The following ZNF577 variants were observed in gnomAD, a reference collection of about 807,000 sequenced individuals.
The protein encoded by ZNF577 is zinc finger protein 577.
In ZNF577, 14 loss-of-function variants were observed where a neutral mutation model predicts 13.9. The ratio of observed to expected loss-of-function variants is 1.00; its 90% CI spans 0.66 to 1.57. ZNF577 has a LOEUF of 1.57. Among genes scored for constraint, ZNF577 ranks in the 40% most tolerant of loss-of-function variants. The pLI, the probability that ZNF577 is intolerant of heterozygous loss-of-function variation, is 0.00. For synonymous variants in ZNF577, 203 were observed against 202.9 expected (o/e 1.00, Z 0.00); for missense variants, 555 against 579.2 (o/e 0.96, Z 0.43).
rs911684089 is a variant in ZNF577, at chr19:51,887,418, G to T, written c.-816C>A. ...ACTAAACCAGAGTTATTTTCTGGAG[G>T]AGTATTTAAAATGATGGGGATGTTA... On this transcript the variant is annotated 5_prime_UTR_variant, in exon 1 of 6. Transcript: ENST00000638348. 1 of 152,164 alleles carries T rather than the reference G, an allele frequency of 6.6e-6. No individual in the cohort carries two copies. Among genetic ancestry groups the T allele is most frequent in the East Asian group, 1.9e-4 (1 of 5,198 alleles). 9.4% of individuals were successfully genotyped at this position (152,164 alleles called of 1,614,324 possible).
chr19:51,808,184 G>C (rs974535514), intron 10 of ZNF577, among the ~76,000 whole-genome samples: 1 of 152,186 alleles, frequency 6.6e-6, no homozygotes, highest in African/African-American at 2.4e-5. Context: ...TAAGTTGATA[G>C]GTAGCAATAC....
downstream of ZNF577, among the ~76,000 whole-genome samples, chr19:51,865,844 C>A (rs551432877): frequency 6.6e-6 from 1 of 151,920 alleles, no homozygotes; most frequent in Non-Finnish European, 1.5e-5. Context: ...TGGCTGGGTG[C>A]GGTGGCTCAC....
chr19:51,850,982 T>A (rs763339177), intron 5 of ZNF577, among the ~76,000 whole-genome samples: 1 of 152,332 alleles, frequency 6.6e-6, no homozygotes, highest in Non-Finnish European at 1.5e-5. Context: ...TTGTTTAGGA[T>A]AAGCATATAA....
At chr19:51,858,500 T>C (rs2084461971) in intron 5 of ZNF577, among the ~76,000 whole-genome samples, 1 of 152,236 alleles carries the variant, frequency 6.6e-6, no homozygotes, top group Non-Finnish European at 1.5e-5. Flanking sequence ...TCCTTAAACA[T>C]CTTTATGTCT....
chr19:51,861,076 CT>C, intron 5 of ZNF577: 2 of 356,992 alleles, frequency 5.6e-6, no homozygotes, highest in Non-Finnish European at 1.0e-5. Flanking sequence ...TTCTAATAAA[CT>C]TTTTTGACAA....
At chr19:51,818,280 A>G (rs55843033) in intron 9 of ZNF577, among the ~76,000 whole-genome samples, 57,960 of 152,048 alleles carry the variant, frequency 0.38, 11,382 homozygotes, top group South Asian at 0.52. Flanking sequence ...TTTTTGATAT[A>G]TAGGATTCAA....
chr19:51,874,774 A>G (rs2084729045), intron 5 of ZNF577, among the ~76,000 whole-genome samples: 1 of 152,222 alleles, frequency 6.6e-6, no homozygotes, highest in Admixed American at 6.5e-5. Flanking sequence ...AGGTTATGGC[A>G]GAATTCAGAT....
rs2084673154 is a variant in ZNF577 at position 51,872,423 on chromosome 19, C to T, written c.*109G>A. 1 of 911,144 alleles carries T rather than the reference C, an allele frequency of 1.1e-6. No homozygotes were observed. Among genetic ancestry groups the T allele is most frequent in the East Asian group, 2.7e-5 (1 of 37,400 alleles). 56.4% of individuals were successfully genotyped at this position (911,144 alleles called of 1,614,324 possible). ...AGGTTTGACTTCTCACAGAAATGTC[C>T]TCCACAACCACTGCCTCCACAGTGT... On this transcript the variant is annotated 3_prime_UTR_variant, in exon 6 of 6. Transcript: ENST00000638348.
intron 9 of ZNF577, among the ~76,000 whole-genome samples, chr19:51,838,072 T>C (rs973289714): frequency 1.3e-5 from 2 of 152,226 alleles, no homozygotes; most frequent in African/African-American, 4.8e-5. Context: ...CGCATTCAGA[T>C]GCCTGACCTA....
Position 51,824,981 on chromosome 19 carries a change from C to A in ZNF577, c.*600-13307G>T. Reference sequence around the variant, plus strand: ...TTTTCCCACAACCAAGCAATAGACACCAGCTGGGTGTCCTACAATTAAATT... The same window carrying A: ...TTTTCCCACAACCAAGCAATAGACAACAGCTGGGTGTCCTACAATTAAATT... On this transcript the variant is annotated intron_variant and NMD_transcript_variant, in intron 9 of 10. Transcript: ENST00000638827. The surrounding 1 kb of genome is among the most constrained non-coding windows in gnomAD (Gnocchi z 4.7). 1.7e-6 allele frequency: 1 copy of A among 605,878 alleles called. No homozygotes were observed. The highest frequency in any genetic ancestry group is 3.0e-6 in the Non-Finnish European group (1 of 336,734). The allele number at this position is 605,878 out of a possible 1,614,324, so 37.5% of individuals were successfully genotyped here. A position where few individuals can be genotyped will look rare whatever the true frequency, so the allele number is the denominator to read the frequency against.
At chr19:51,826,385 T>C (rs1442955908) in intron 9 of ZNF577, among the ~76,000 whole-genome samples, 2 of 152,234 alleles carry the variant, frequency 1.3e-5, no homozygotes, top group Non-Finnish European at 2.9e-5. Context: ...TTGTTAAACA[T>C]TTAGAAAAAT....
chr19:51,831,807 A>G (rs1321512726), intron 9 of ZNF577, among the ~76,000 whole-genome samples: 1 of 152,214 alleles, frequency 6.6e-6, no homozygotes, highest in Non-Finnish European at 1.5e-5. Flanking sequence ...GTTAGTAATT[A>G]CACTAGTAAT....
At chr19:51,807,822 G>C (rs549556751) in intron 10 of ZNF577, among the ~76,000 whole-genome samples, 1 of 152,214 alleles carries the variant, frequency 6.6e-6, no homozygotes, top group South Asian at 2.1e-4. Flanking sequence ...AGAGTCTAAA[G>C]GAACAATAAT....
chr19:51,833,933 T>C (rs2084274541), intron 9 of ZNF577, among the ~76,000 whole-genome samples: 1 of 152,234 alleles, frequency 6.6e-6, no homozygotes, highest in Non-Finnish European at 1.5e-5. Context: ...TGTTGATACA[T>C]GCATACAATG....
intron 5 of ZNF577, chr19:51,860,203 AAGTG>A (rs1340365846): frequency 6.6e-6 from 1 of 152,214 alleles, no homozygotes; most frequent in East Asian, 1.9e-4. Context: ...GGATGTGAAG[AAGTG>A]AATCCATGAA....
At chr19:51,835,600 T>C (rs1190024295) in intron 9 of ZNF577, among the ~76,000 whole-genome samples, 1 of 152,230 alleles carries the variant, frequency 6.6e-6, no homozygotes, top group African/African-American at 2.4e-5. Flanking sequence ...GTGATTTTTA[T>C]GAACTGAAGT....
rs766829761 is a variant in ZNF577 at position 51,837,043 on chromosome 19, CA to C, written c.*599+2849del. Among the ~76,000 whole-genome samples, 365 of 77,844 alleles carry C rather than the reference CA, an allele frequency of 4.7e-3. 1 individual carries two copies. The highest frequency in any genetic ancestry group is 0.013 in the African/African-American group (275 of 20,624). 51.1% of individuals were successfully genotyped at this position (77,844 alleles called of 152,430 possible). On this transcript the variant is annotated intron_variant and NMD_transcript_variant, in intron 9 of 10. Coordinates refer to the ZNF577 transcript ENST00000638827. ...TGGGTGACAGAGTGAGACTCTGTCT[CA>C]AAAAAAAAAAAAAAAGAAAAGAAAA...
Position 51,857,430 on chromosome 19 carries a change from AG to A in ZNF577, c.284-12500del, listed in dbSNP as rs1446519560. ...AGAAAGAAAGAAAGAAAGAAAGAAAAGAAAAAACAAAGAAAGGAAGGAGAAG... is the reference window on the plus strand; with the variant it reads ...AGAAAGAAAGAAAGAAAGAAAGAAAAAAAAAACAAAGAAAGGAAGGAGAAG... On this transcript the variant is annotated intron_variant and NMD_transcript_variant, in intron 5 of 10. Coordinates refer to the ZNF577 transcript ENST00000638827. 7.8e-5 allele frequency among the ~76,000 whole-genome samples: 11 copies of A among 141,298 alleles called. 1 individual carries two copies. Among genetic ancestry groups the A allele is most frequent in the African/African-American group, 2.9e-4 (11 of 37,994 alleles). The allele number at this position is 141,298 out of a possible 152,430, so 92.7% of individuals were successfully genotyped here.
Position 51,824,695 on chromosome 19 carries a change from C to T in ZNF577, c.*600-13021G>A. 1 of 1,614,116 alleles carries T rather than the reference C, an allele frequency of 6.2e-7. No individual in the cohort carries two copies. Among genetic ancestry groups the T allele is most frequent in the Non-Finnish European group, 8.5e-7 (1 of 1,179,998 alleles). On this transcript the variant is annotated intron_variant and NMD_transcript_variant, in intron 9 of 10. Transcript: ENST00000638827. This position sits in a 1 kb window ranked among gnomAD's most constrained non-coding sequence, Gnocchi z 4.7. ...AACTTCCAAGAAAGACTGATTCGCT[C>T]TTTGCCCACTAGTTTGGAGAGGGCC...
Sources: allele counts gnomAD v4.1 joint callset (sites outside exome capture counted in the v4.1 genomes callset), GRCh38; gene constraint gnomAD v4.1.1; non-coding constraint Gnocchi (gnomAD v3.1); transcripts MANE v1.5; gene names NCBI Gene and HGNC (gene_info 2026-07-23, HGNC 2026-07-21).